ANKRD30B: variants seen among roughly 807,000 people sequenced by gnomAD.
The protein encoded by ANKRD30B is ankyrin repeat domain-containing protein 30B.
A neutral mutation model predicts 202.2 loss-of-function variants in ANKRD30B; 144 were observed. That is an observed-to-expected ratio of 0.71 (90% CI 0.62 to 0.82). The LOEUF (loss-of-function observed/expected upper bound fraction) is 0.82, where lower values mean the gene tolerates loss of function less well. Ranked by LOEUF, ANKRD30B falls within the 40% of genes least tolerant of loss-of-function variation. ANKRD30B has a pLI of 0.00. For synonymous variants in ANKRD30B, 508 were observed against 561.3 expected (o/e 0.91, Z 1.34); for missense variants, 1,487 against 1,669.1 (o/e 0.89, Z 1.90).
the ANKRD30B span, among the ~76,000 whole-genome samples, chr18:14,906,378 C>G: frequency 1.3e-5 from 2 of 152,090 alleles, no homozygotes; most frequent in African/African-American, 4.8e-5. Context: ...TTGAATGACT[C>G]TCTACCAATC....
Position 14,806,181 on chromosome 18 carries a change from C to T in ANKRD30B, c.2284+2357C>T, listed in dbSNP as rs893950731. On this transcript the variant is annotated intron_variant, in intron 24 of 43. Transcript: ENST00000690538. ...CTTACAGTCAGCCCAGATCTCAACA[C>T]TGCCCTCCAGCCTGGGTGACAGGGC... 3.4e-5 allele frequency among the ~76,000 whole-genome samples: 5 copies of T among 148,874 alleles called. No individual in the cohort carries two copies. The East Asian group carries it at 9.8e-4, about 29-fold the overall frequency.
intron 39 of ANKRD30B, among the ~76,000 whole-genome samples, chr18:14,846,873 C>A (rs1291795131): frequency 1.3e-5 from 2 of 151,264 alleles, no homozygotes; most frequent in Non-Finnish European, 3.0e-5. Flanking sequence ...TCCGTTCTGA[C>A]AATCTGCCTT....
the ANKRD30B span, among the ~76,000 whole-genome samples, chr18:14,877,121 G>A: frequency 2.0e-5 from 3 of 152,208 alleles, no homozygotes; most frequent in African/African-American, 2.4e-5. Context: ...AACCACAGGA[G>A]CAGTACCATT....
chr18:14,880,479 A>G, the ANKRD30B span, among the ~76,000 whole-genome samples: 1 of 151,044 alleles, frequency 6.6e-6, no homozygotes, highest in South Asian at 2.1e-4. Flanking sequence ...CAGAATGGTA[A>G]TTTTCACAAT....
At chr18:14,842,790 C>A in intron 37 of ANKRD30B, 107 bp from the exon 38 acceptor site, 1 of 1,081,192 alleles carries the variant, frequency 9.2e-7, no homozygotes. Context: ...CTAAAGGAAT[C>A]ATTCTCAAAG....
chr18:14,928,639 A>G, the ANKRD30B span, among the ~76,000 whole-genome samples: 1 of 152,180 alleles, frequency 6.6e-6, no homozygotes, highest in South Asian at 2.1e-4. Flanking sequence ...CAGGGCTACC[A>G]CTGGTCTCCT....
the ANKRD30B span, among the ~76,000 whole-genome samples, chr18:14,937,869 AAG>A: frequency 3.9e-5 from 6 of 152,204 alleles, no homozygotes; most frequent in Non-Finnish European, 8.8e-5. Context: ...TAGAAAAGCA[AAG>A]GCCCCTGGCG....
chr18:14,929,950 A>T, the ANKRD30B span, among the ~76,000 whole-genome samples: 2 of 152,172 alleles, frequency 1.3e-5, no homozygotes, highest in Non-Finnish European at 2.9e-5. Context: ...GAGTCCCAGC[A>T]AAAGCAGACT....
chr18:14,910,484 A>AATAT, the ANKRD30B span, among the ~76,000 whole-genome samples: 2,064 of 147,650 alleles, frequency 0.014, 47 homozygotes, highest in African/African-American at 0.047. Context: ...ACAATGTAAA[A>AATAT]ATATATATAT....
intron 42 of ANKRD30B, among the ~76,000 whole-genome samples, chr18:14,853,141 A>ATCATTTGC (rs1459325992): frequency 6.6e-6 from 1 of 151,918 alleles, no homozygotes; most frequent in African/African-American, 2.4e-5. Flanking sequence ...ATTGTTACAA[A>ATCATTTGC]TCATTTGCTC....
the ANKRD30B span, among the ~76,000 whole-genome samples, chr18:14,921,716 T>A: frequency 2.6e-5 from 4 of 152,190 alleles, no homozygotes; most frequent in Non-Finnish European, 2.9e-5. Context: ...TAAGGCTGTT[T>A]ATAATGCAAA....
At chr18:14,873,784 G>C in the ANKRD30B span, among the ~76,000 whole-genome samples, 2 of 152,152 alleles carry the variant, frequency 1.3e-5, no homozygotes, top group Non-Finnish European at 2.9e-5. Flanking sequence ...GTCAGCTACA[G>C]AGGAGACCTC....
At chr18:14,907,345 A>G in the ANKRD30B span, among the ~76,000 whole-genome samples, 172 of 152,060 alleles carry the variant, frequency 1.1e-3, no homozygotes, top group African/African-American at 4.0e-3. Context: ...TGATAGGGTC[A>G]TTGTATTAAC....
chr18:14,757,769 A>C, intron 4 of ANKRD30B, 46 bp from the exon 5 acceptor site: 1 of 1,591,516 alleles, frequency 6.3e-7, no homozygotes, highest in Non-Finnish European at 8.6e-7. Context: ...ATAGGCACAT[A>C]TTAAATTGAT....
chr18:14,914,213 T>G, the ANKRD30B span, among the ~76,000 whole-genome samples: 1 of 152,346 alleles, frequency 6.6e-6, no homozygotes, highest in East Asian at 1.9e-4. Context: ...TGTTCCTCCA[T>G]GTTTATAAGC....
the ANKRD30B span, among the ~76,000 whole-genome samples, chr18:14,934,950 C>CA: frequency 7.3e-5 from 10 of 136,702 alleles, no homozygotes; most frequent in East Asian, 2.2e-4. Flanking sequence ...ACACACACAC[C>CA]CCATCGTGTC....
chr18:14,939,697 C>T, the ANKRD30B span, among the ~76,000 whole-genome samples: 3 of 152,286 alleles, frequency 2.0e-5, no homozygotes, highest in East Asian at 5.8e-4. Context: ...TTAGATTCCA[C>T]TGGGAAGCAG....
rs138109988 is a variant in ANKRD30B, at chr18:14,774,982, A to G, written c.1329+2754A>G. 9.9e-5 allele frequency among the ~76,000 whole-genome samples: 15 copies of G among 152,110 alleles called. 1 individual carries two copies. In the East Asian group the frequency reaches 2.7e-3, roughly 28 times the overall value. ...CTCTACTAAAAACACAACAAAGTAG[A>G]CGGGCGTGGTGGCGGGCGCCTGTAG... On this transcript the variant is annotated intron_variant, in intron 9 of 43. Transcript: ENST00000690538.
chr18:14,790,481 A>T (rs1457978498), intron 15 of ANKRD30B, among the ~76,000 whole-genome samples: 1 of 152,160 alleles, frequency 6.6e-6, no homozygotes, highest in African/African-American at 2.4e-5. Flanking sequence ...TTTCAAAGGG[A>T]ATGCTTCCAG....
Sources: gnomAD v4.1 joint callset for allele counts (sites outside exome capture counted in the v4.1 genomes callset) on GRCh38, gnomAD v4.1.1 for gene constraint, MANE v1.5 for transcripts, NCBI Gene and HGNC (gene_info 2026-07-23, HGNC 2026-07-21) for gene names.